Variants in PDE3B observed in about 807,000 individuals in gnomAD.
The protein encoded by PDE3B is phosphodiesterase 3B.
Under a neutral mutation model 116.8 loss-of-function variants are expected in PDE3B, and 66 were observed. The ratio of observed to expected loss-of-function variants is 0.56; its 90% CI spans 0.46 to 0.69. PDE3B has a LOEUF of 0.69. PDE3B is among the 30% of genes least tolerant of loss of function. The pLI, the probability that PDE3B is intolerant of heterozygous loss-of-function variation, is 0.00. For synonymous variants in PDE3B, 595 were observed against 533.6 expected (o/e 1.12, Z -1.59); for missense variants, 1,384 against 1,368.1 (o/e 1.01, Z -0.18).
the PDE3B span, chr11:14,878,110 T>C: frequency 6.2e-7 from 1 of 1,612,754 alleles, no homozygotes; most frequent in South Asian, 1.1e-5. Context: ...CCCGAAAACA[T>C]CCCAGGCAGT....
At chr11:14,884,474 C>A in the PDE3B span, among the ~76,000 whole-genome samples, 1 of 139,696 alleles carries the variant, frequency 7.2e-6, no homozygotes, top group Non-Finnish European at 1.5e-5. Context: ...TAGGTGGGAA[C>A]TGAACAATGA....
intron 9 of PDE3B, among the ~76,000 whole-genome samples, chr11:14,832,196 C>G (rs1859906231): frequency 6.6e-6 from 1 of 152,022 alleles, no homozygotes; most frequent in South Asian, 2.1e-4. Context: ...ATTTTACCAC[C>G]CAGACTCAGG....
At chr11:14,826,481 A>C (rs1028634814) in intron 7 of PDE3B, among the ~76,000 whole-genome samples, 1 of 152,178 alleles carries the variant, frequency 6.6e-6, no homozygotes, top group Non-Finnish European at 1.5e-5. Flanking sequence ...AGAGACTACT[A>C]TGAACACCTC....
chr11:14,880,300 GCAT>G, the PDE3B span: 2 of 1,613,228 alleles, frequency 1.2e-6, no homozygotes, highest in Non-Finnish European at 1.7e-6. Context: ...ATCTAAATAA[GCAT>G]CAACAAAATG....
chr11:14,824,994 A>G (rs886183782), intron 7 of PDE3B, among the ~76,000 whole-genome samples: 2 of 152,178 alleles, frequency 1.3e-5, no homozygotes, highest in Admixed American at 6.5e-5. Context: ...TTAAAAAAAA[A>G]AAAAATCTTC....
At chr11:14,829,903 G>C (rs1344747060) in intron 7 of PDE3B, among the ~76,000 whole-genome samples, 1 of 152,040 alleles carries the variant, frequency 6.6e-6, no homozygotes, top group Non-Finnish European at 1.5e-5. Flanking sequence ...TACCCATCAT[G>C]ACCCCTTCCA....
the PDE3B span, among the ~76,000 whole-genome samples, chr11:14,879,967 TTGAGA>T: frequency 1.1e-4 from 17 of 152,112 alleles, no homozygotes; most frequent in Non-Finnish European, 1.9e-4. Flanking sequence ...TTTACATGAA[TTGAGA>T]TAATAGATTT....
intron 1 of PDE3B, among the ~76,000 whole-genome samples, chr11:14,664,804 C>G (rs1439340891): frequency 6.6e-6 from 1 of 152,078 alleles, no homozygotes; most frequent in Non-Finnish European, 1.5e-5. Context: ...GAGTCCAGGA[C>G]CAGATGGATT....
At chr11:14,681,144 G>T (rs758163378) in intron 1 of PDE3B, among the ~76,000 whole-genome samples, 8 of 152,098 alleles carry the variant, frequency 5.3e-5, no homozygotes, top group Admixed American at 2.6e-4. Flanking sequence ...GCACATTTTT[G>T]ACTTAATATT....
intron 1 of PDE3B, among the ~76,000 whole-genome samples, chr11:14,737,279 G>A (rs1314278416): frequency 1.3e-5 from 2 of 151,208 alleles, no homozygotes; most frequent in East Asian, 1.9e-4. Context: ...CTGCAATCTC[G>A]GCCTCCCGGG....
chr11:14,884,628 A>G, the PDE3B span, among the ~76,000 whole-genome samples: 1 of 151,990 alleles, frequency 6.6e-6, no homozygotes, highest in Admixed American at 6.6e-5. Flanking sequence ...ACATGTATAC[A>G]TATGTAACTA....
intron 1 of PDE3B, among the ~76,000 whole-genome samples, chr11:14,771,041 G>A (rs1038548536): frequency 6.6e-6 from 1 of 151,550 alleles, no homozygotes; most frequent in African/African-American, 2.4e-5. Flanking sequence ...AAGATCTTTT[G>A]CAACCAGAAA....
In PDE3B at chr11:14,825,237, T is replaced by C. The variant is rs138336891; in HGVS notation, c.1808-5461T>C. 1.4e-3 allele frequency among the ~76,000 whole-genome samples: 209 copies of C among 152,260 alleles called. 1 individual carries two copies. Among genetic ancestry groups the C allele is most frequent in the African/African-American group, 4.6e-3 (193 of 41,556 alleles). ...ATGTAAAGCTACCACACAAGCTGGCTTAATAACCAGGTAACAGCACAATGA... is the reference window on the plus strand; with the variant it reads ...ATGTAAAGCTACCACACAAGCTGGCCTAATAACCAGGTAACAGCACAATGA... On this transcript the variant is annotated intron_variant, in intron 7 of 15. Transcript: ENST00000282096.
intron 1 of PDE3B, among the ~76,000 whole-genome samples, chr11:14,654,387 G>C (rs1853649425): frequency 6.6e-6 from 1 of 152,166 alleles, no homozygotes; most frequent in Non-Finnish European, 1.5e-5. Context: ...CCATAAAGCA[G>C]TGGAATATCA....
chr11:14,793,293 T>G (rs1248569329), intron 4 of PDE3B, among the ~76,000 whole-genome samples: 1 of 152,210 alleles, frequency 6.6e-6, no homozygotes, highest in African/African-American at 2.4e-5. Flanking sequence ...AATATTTGCC[T>G]ATGCATAATG....
chr11:14,726,606 A>C (rs2133849456), intron 1 of PDE3B, among the ~76,000 whole-genome samples: 1 of 152,306 alleles, frequency 6.6e-6, no homozygotes, highest in South Asian at 2.1e-4. Context: ...TATAAATCAG[A>C]TTAGAAGGAC....
intron 11 of PDE3B, 130 bp downstream of exon 11, chr11:14,835,225 G>A (rs1006469217): frequency 2.7e-5 from 15 of 553,988 alleles, no homozygotes; most frequent in Admixed American, 7.2e-5. Context: ...GACTGTGTAC[G>A]TTTTTTTAAC....
intron 11 of PDE3B, among the ~76,000 whole-genome samples, chr11:14,840,147 C>T (rs1271974463): frequency 1.3e-5 from 2 of 152,178 alleles, no homozygotes; most frequent in Non-Finnish European, 2.9e-5. Context: ...TTCCATCTGA[C>T]TGCCAAAAGA....
intron 1 of PDE3B, among the ~76,000 whole-genome samples, chr11:14,645,275 A>T (rs1222537524): frequency 1.3e-5 from 2 of 152,040 alleles, no homozygotes; most frequent in Admixed American, 1.3e-4. Flanking sequence ...TTTGTCATTG[A>T]ATAGAAATCA....
Sources: allele counts gnomAD v4.1 joint callset (sites outside exome capture counted in the v4.1 genomes callset), GRCh38; gene constraint gnomAD v4.1.1; transcripts MANE v1.5; gene names NCBI Gene and HGNC (gene_info 2026-07-23, HGNC 2026-07-21).